PDE4A: variants seen among roughly 807,000 people sequenced by gnomAD.
PDE4A encodes 3',5'-cyclic-AMP phosphodiesterase 4A.
PDE4A carries 21 observed loss-of-function variants against 73.9 expected under a neutral mutation model. The ratio of observed to expected loss-of-function variants is 0.28; its 90% CI spans 0.20 to 0.41. The LOEUF (loss-of-function observed/expected upper bound fraction) is 0.41, where lower values mean the gene tolerates loss of function less well. Among genes scored for constraint, PDE4A ranks in the 10% least tolerant of loss-of-function variants. The pLI, the probability that PDE4A is intolerant of heterozygous loss-of-function variation, is 1.00. For synonymous variants in PDE4A, 463 were observed against 505.4 expected, an observed-to-expected ratio of 0.92 and a Z score of 1.13; for missense variants, 958 against 1,211.4, an observed-to-expected ratio of 0.79 and a Z score of 3.10.
In PDE4A at chr19:10,459,587, G is replaced by C. The variant is rs1568382391; in HGVS notation, c.1201-8G>C. On this transcript the variant is annotated splice_polypyrimidine_tract_variant and splice_region_variant and intron_variant, in intron 9 of 14. Coordinates refer to ENST00000380702, the MANE Select transcript of PDE4A (RefSeq NM_001111307.2). Reference sequence around the variant, plus strand: ...GGAGGTCACCACCCTGCCCCTGCCTGCTCTCAGGAGCGGGACCTGCTGAAG... The same window carrying C: ...GGAGGTCACCACCCTGCCCCTGCCTCCTCTCAGGAGCGGGACCTGCTGAAG... 1.9e-6 allele frequency: 3 copies of C among 1,613,434 alleles called. No individual in the cohort carries two copies. Among genetic ancestry groups the C allele is most frequent in the Non-Finnish European group, 2.5e-6 (3 of 1,179,610 alleles).
At chr19:10,449,247 A>G in intron 4 of PDE4A, 97 bp downstream of exon 4, 1 of 1,261,694 alleles carries the variant, frequency 7.9e-7, no homozygotes, top group Non-Finnish European at 1.1e-6. Flanking sequence ...CAGGCAGGTG[A>G]CCTCTCTGAA....
Position 10,420,707 on chromosome 19 carries a change from AG to A in PDE4A, c.-57del, listed in dbSNP as rs1355736594. ...GGGCTCGCTGGCTTGCGCGCAGCTG[AG>A]CGGGGTGTAGGTTGGAAGGGCCAGG... is the stretch of plus-strand genomic sequence containing the variant. On this transcript the variant is annotated 5_prime_UTR_variant, in exon 1 of 15. Coordinates refer to ENST00000380702, the MANE Select transcript of PDE4A (RefSeq NM_001111307.2). This position sits in a 1 kb window ranked among gnomAD's most constrained non-coding sequence, Gnocchi z 6.0. 1 of 1,414,222 alleles carries A rather than the reference AG, an allele frequency of 7.1e-7. No homozygotes were observed. The highest frequency in any genetic ancestry group is 9.1e-7 in the Non-Finnish European group (1 of 1,096,090). 87.6% of individuals were successfully genotyped at this position (1,414,222 alleles called of 1,614,324 possible).
chr19:10,441,693 T>A (rs1043216053), intron 1 of PDE4A, among the ~76,000 whole-genome samples: 25 of 144,572 alleles, frequency 1.7e-4, no homozygotes, highest in African/African-American at 3.9e-4. Context: ...TATTTTTTTT[T>A]TTTTTTTTTT....
intron 1 of PDE4A, among the ~76,000 whole-genome samples, chr19:10,434,125 T>G (rs547836137): frequency 2.6e-5 from 4 of 152,232 alleles, no homozygotes; most frequent in African/African-American, 9.6e-5. Flanking sequence ...ATAGTATTTA[T>G]CCTTTATGTG....
At position 10,424,655 on chromosome 19, in the gene PDE4A, C is replaced by T. The variant is rs186359622; in HGVS notation, c.320+3571C>T. On this transcript the variant is annotated intron_variant, in intron 1 of 14. Coordinates refer to ENST00000380702, the MANE Select transcript of PDE4A (RefSeq NM_001111307.2). The surrounding 1 kb of genome is among the most constrained non-coding windows in gnomAD (Gnocchi z 4.8). ...GAGAGCGGGCGCCAGGCCGGCTGAC[C>T]GCAGGCTGCGTGTGGGGTCCTCGCC... is the stretch of plus-strand genomic sequence containing the variant. Among the ~76,000 whole-genome samples, 70 of 152,350 alleles carry T rather than the reference C, an allele frequency of 4.6e-4. No individual in the cohort carries two copies. In the East Asian group the frequency reaches 8.5e-3, roughly 18 times the overall value.
chr19:10,437,807 G>GT (rs35319180), intron 1 of PDE4A, among the ~76,000 whole-genome samples: 3,784 of 127,978 alleles, frequency 0.03, 108 homozygotes, highest in East Asian at 0.079. Flanking sequence ...CTCCAGGACT[G>GT]TTTTTTTTTT....
intron 1 of PDE4A, among the ~76,000 whole-genome samples, chr19:10,443,975 C>T (rs1198469341): frequency 6.7e-6 from 1 of 148,642 alleles, no homozygotes; most frequent in Admixed American, 6.8e-5. Flanking sequence ...TCACTGGACT[C>T]CAGTCTAGGT....
chr19:10,417,863 C>T, upstream of PDE4A: 1 of 1,555,040 alleles, frequency 6.4e-7, no homozygotes, highest in African/African-American at 1.4e-5. Context: ...CCGAGAACGA[C>T]AGGTAGGTAG....
intron 11 of PDE4A, 140 bp from the exon 12 acceptor site, chr19:10,461,386 C>A: frequency 7.3e-7 from 1 of 1,360,674 alleles, no homozygotes; most frequent in South Asian, 1.6e-5. Flanking sequence ...AGGGGATGGC[C>A]GGGCTGGGGT....
intron 1 of PDE4A, chr19:10,423,064 A>G (rs2042670852): frequency 1.0e-6 from 1 of 982,148 alleles, no homozygotes; most frequent in Middle Eastern, 5.3e-4. Flanking sequence ...GGACTTTTCC[A>G]TATGCATCCT....
At position 10,420,810 on chromosome 19, in the gene PDE4A, C is replaced by T; in HGVS notation, c.46C>T (p.Leu16=). 1.3e-6 allele frequency: 2 copies of T among 1,587,182 alleles called. No individual in the cohort carries two copies. Among genetic ancestry groups the T allele is most frequent in the Middle Eastern group, 1.7e-4 (1 of 5,994 alleles). Residue 16 remains leucine, a synonymous_variant, in exon 1 of 15, where the codon CTG becomes TTG. Transcript: ENST00000380702. This position sits in a 1 kb window ranked among gnomAD's most constrained non-coding sequence, Gnocchi z 6.0. The part of the protein sequence containing the change: ...VPSERSLSLS[L]PGPREGQATL... ...CTCGGAAAGGAGCCTGTCTCTGTCA[C>T]TGCCCGGGCCCCGGGAGGGCCAGGC...
At chr19:10,432,809 G>C (rs1052739268) in intron 1 of PDE4A, among the ~76,000 whole-genome samples, 2 of 152,260 alleles carry the variant, frequency 1.3e-5, no homozygotes, top group East Asian at 1.9e-4. Flanking sequence ...GGTAGGACCC[G>C]TCACCCTCTT....
chr19:10,462,241 G>GCCTCCCT (rs1227839669), intron 13 of PDE4A, among the ~76,000 whole-genome samples: 1 of 149,324 alleles, frequency 6.7e-6, no homozygotes, highest in African/African-American at 2.5e-5. Flanking sequence ...CCCGCCTCCC[G>GCCTCCCT]CCTCCCGGGT....
At chr19:10,465,403 A>G (rs2043349226) in intron 14 of PDE4A, among the ~76,000 whole-genome samples, 1 of 151,222 alleles carries the variant, frequency 6.6e-6, no homozygotes, top group African/African-American at 2.4e-5. Context: ...TATTTTTAGT[A>G]AAGATGGTGT....
Position 10,420,558 on chromosome 19 carries a change from C to T in PDE4A, c.-207C>T. ...GCGGAGAGCGCCGCCGGGCACTGAG[C>T]AGAGCTCCAGGCGCCGAAAGGAAGC... On this transcript the variant is annotated 5_prime_UTR_variant, in exon 1 of 15. Coordinates refer to ENST00000380702, the MANE Select transcript of PDE4A (RefSeq NM_001111307.2). This position sits in a 1 kb window ranked among gnomAD's most constrained non-coding sequence, Gnocchi z 6.0. 8.2e-7 allele frequency: 1 copy of T among 1,225,220 alleles called. No homozygotes were observed. Among genetic ancestry groups the T allele is most frequent in the Non-Finnish European group, 1.0e-6 (1 of 981,440 alleles). 75.9% of individuals were successfully genotyped at this position (1,225,220 alleles called of 1,614,324 possible).
rs77980298 is a variant in PDE4A at position 10,457,580 on chromosome 19, G to A, written c.878-299G>A. ...TCCCTGGGTGTTCGGGGTAGGCAGCGGCTCTCCCTGGCATCCCCACCTCGC... is the reference window on the plus strand; with the variant it reads ...TCCCTGGGTGTTCGGGGTAGGCAGCAGCTCTCCCTGGCATCCCCACCTCGC... On this transcript the variant is annotated intron_variant, in intron 7 of 14. Transcript: ENST00000380702. 9.4e-4 allele frequency among the ~76,000 whole-genome samples: 143 copies of A among 152,028 alleles called. 5 individuals are homozygous for A. In the East Asian group the frequency reaches 0.026, roughly 27 times the overall value.
rs755478252 is a variant in PDE4A, at chr19:10,454,794, C to T, written c.784-35C>T. ...CACCCTCCTCACCACTGTGCTTCCC[C>T]CATCATTTCTTCCTTGTTGACTCCT... On this transcript the variant is annotated intron_variant, in intron 6 of 14. Coordinates refer to ENST00000380702, the MANE Select transcript of PDE4A (RefSeq NM_001111307.2). 4 of 1,613,316 alleles carry T rather than the reference C, an allele frequency of 2.5e-6. No individual in the cohort carries two copies. The East Asian group carries it at 8.9e-5, about 36-fold the overall frequency.
chr19:10,418,048 C>T (rs1375111676), upstream of PDE4A, among the ~76,000 whole-genome samples: 2 of 152,144 alleles, frequency 1.3e-5, no homozygotes, highest in African/African-American at 4.8e-5. Flanking sequence ...GCTCTAGGAA[C>T]CCCTTATTTC....
At chr19:10,429,875 T>A (rs1415177031) in intron 1 of PDE4A, among the ~76,000 whole-genome samples, 2 of 152,142 alleles carry the variant, frequency 1.3e-5, no homozygotes, top group Admixed American at 6.5e-5. Flanking sequence ...CGAGGTTGTC[T>A]TGGGGTCTCA....
Sources: allele counts gnomAD v4.1 joint callset (sites outside exome capture counted in the v4.1 genomes callset), GRCh38; gene constraint gnomAD v4.1.1; non-coding constraint Gnocchi (gnomAD v3.1); transcripts MANE v1.5; gene names NCBI Gene and HGNC (gene_info 2026-07-23, HGNC 2026-07-21).